CELF2: variants seen among roughly 807,000 people sequenced by gnomAD.
The protein encoded by CELF2 is CUG triplet repeat RNA-binding protein 2.
In CELF2, 8 loss-of-function variants were observed where a neutral mutation model predicts 62.6. The ratio of observed to expected loss-of-function variants is 0.13; its 90% CI spans 0.07 to 0.23. The LOEUF (loss-of-function observed/expected upper bound fraction) is 0.23. Among genes scored for constraint, CELF2 ranks in the 10% least tolerant of loss-of-function variants. The pLI is 1.00. For synonymous variants in CELF2, 258 were observed against 250.0 expected (o/e 1.03, Z -0.30); for missense variants, 333 against 671.0 (o/e 0.50, Z 5.56).
At chr10:10,570,441 C>T in the CELF2 span, among the ~76,000 whole-genome samples, 1 of 151,926 alleles carries the variant, frequency 6.6e-6, no homozygotes, top group South Asian at 2.1e-4. Flanking sequence ...ACAAATTCAC[C>T]CCAGGTGAAA....
chr10:11,195,331 C>CAGTG (rs1422865988), intron 2 of CELF2, among the ~76,000 whole-genome samples: 1 of 152,184 alleles, frequency 6.6e-6, no homozygotes, highest in Non-Finnish European at 1.5e-5. Context: ...GTTTAGTGTG[C>CAGTG]AGTGGGTTGT....
the CELF2 span, among the ~76,000 whole-genome samples, chr10:10,511,625 T>C: frequency 6.6e-6 from 1 of 152,104 alleles, no homozygotes. Context: ...GTGTAGTGGA[T>C]ATCAGTATAG....
Position 10,936,945 on chromosome 10 carries a change from C to T in CELF2, c.89+16946C>T, listed in dbSNP as rs956562258. 1.3e-5 allele frequency among the ~76,000 whole-genome samples: 2 copies of T among 152,044 alleles called. No individual in the cohort carries two copies. Among genetic ancestry groups the T allele is most frequent in the African/African-American group, 4.8e-5 (2 of 41,404 alleles). On this transcript the variant is annotated intron_variant, in intron 2 of 13. Coordinates refer to the CELF2 transcript ENST00000636488. This position sits in a 1 kb window ranked among gnomAD's most constrained non-coding sequence, Gnocchi z 4.0. ...CTCAGACCATCCTTTGAGGAGCAAA[C>T]GACTACAGAGCCACCAGTCCCATCT...
chr10:11,214,410 G>C lies in CELF2; in HGVS notation c.272-3015G>C, dbSNP rs997393957. Among the ~76,000 whole-genome samples, 1 of 152,228 alleles carries C rather than the reference G, an allele frequency of 6.6e-6. No homozygotes were observed. The highest frequency in any genetic ancestry group is 2.4e-5 in the African/African-American group (1 of 41,458). ...GAAGCCTCTGGGGTTAGTATTCCCA[G>C]TCTCCTTGTCTGCCCAGGACCCCAC... On this transcript the variant is annotated intron_variant, in intron 2 of 12. Transcript: ENST00000633077. The surrounding 1 kb of genome is among the most constrained non-coding windows in gnomAD (Gnocchi z 4.2).
chr10:10,903,468 A>G (rs2134156619), intron 1 of CELF2, among the ~76,000 whole-genome samples: 1 of 152,334 alleles, frequency 6.6e-6, no homozygotes, highest in Middle Eastern at 3.4e-3. Flanking sequence ...GAAAATACAA[A>G]TGTATGAAAC....
chr10:10,984,012 T>A (rs1050591439), intron 2 of CELF2, among the ~76,000 whole-genome samples: 4 of 152,240 alleles, frequency 2.6e-5, no homozygotes, highest in Admixed American at 1.3e-4. Context: ...ATCTGCCGAT[T>A]TTTTTAAAGA....
intron 1 of CELF2, among the ~76,000 whole-genome samples, chr10:10,801,329 G>A (rs1317814511): frequency 6.6e-6 from 1 of 152,226 alleles, no homozygotes; most frequent in Non-Finnish European, 1.5e-5. Context: ...AAGGGATAGA[G>A]TTTATAAATT....
rs773983082 is a variant in CELF2 at position 11,296,108 on chromosome 10, G to A, written c.976+7556G>A. On this transcript the variant is annotated intron_variant, in intron 9 of 12. Coordinates refer to ENST00000633077, the MANE Select transcript of CELF2 (RefSeq NM_001326342.2). This position sits in a 1 kb window ranked among gnomAD's most constrained non-coding sequence, Gnocchi z 5.0. ...ACCTGTGCCCTGAGCTCTCCTTGGC[G>A]GGTGCCTTCATCCCCGGGATGGACA... Among the ~76,000 whole-genome samples the A allele has an allele frequency of 1.3e-4, 20 of 152,198 alleles. No homozygotes were observed. Among genetic ancestry groups the A allele is most frequent in the Non-Finnish European group, 2.5e-4 (17 of 68,034 alleles).
the CELF2 span, among the ~76,000 whole-genome samples, chr10:10,471,543 C>T: frequency 1.3e-5 from 2 of 151,476 alleles, no homozygotes; most frequent in African/African-American, 2.4e-5. Flanking sequence ...TTAAACTTAA[C>T]CCAATGTACT....
chr10:10,854,769 T>C (rs1122865), intron 1 of CELF2, among the ~76,000 whole-genome samples: 3,021 of 152,148 alleles, frequency 0.02, 206 homozygotes, highest in Admixed American at 0.13. Flanking sequence ...CACTTCTATG[T>C]ATAAATATTA....
chr10:10,471,470 A>AT, the CELF2 span, among the ~76,000 whole-genome samples: 1 of 151,696 alleles, frequency 6.6e-6, no homozygotes, highest in South Asian at 2.1e-4. Flanking sequence ...TGTGTTGACC[A>AT]TTTTTTTATT....
chr10:10,910,756 G>A (rs577795116), intron 1 of CELF2, among the ~76,000 whole-genome samples: 22 of 150,862 alleles, frequency 1.5e-4, no homozygotes, highest in Admixed American at 5.3e-4. Flanking sequence ...TAAATGTCTC[G>A]CATGTGCATT....
the CELF2 span, among the ~76,000 whole-genome samples, chr10:10,737,233 A>G: frequency 6.6e-6 from 1 of 152,220 alleles, no homozygotes; most frequent in Non-Finnish European, 1.5e-5. Flanking sequence ...TACTGTCCCT[A>G]TAATTCTCTT....
At chr10:10,724,321 C>T in the CELF2 span, among the ~76,000 whole-genome samples, 1 of 152,120 alleles carries the variant, frequency 6.6e-6, no homozygotes, top group Non-Finnish European at 1.5e-5. Flanking sequence ...CTGTTAGAAT[C>T]TTTTTGCTTT....
At chr10:10,722,065 G>T in the CELF2 span, among the ~76,000 whole-genome samples, 1 of 152,210 alleles carries the variant, frequency 6.6e-6, no homozygotes, top group Non-Finnish European at 1.5e-5. Flanking sequence ...CACTTTGGGA[G>T]GCTAAGGCAG....
At chr10:10,619,552 G>T in the CELF2 span, among the ~76,000 whole-genome samples, 1 of 152,162 alleles carries the variant, frequency 6.6e-6, no homozygotes, top group Non-Finnish European at 1.5e-5. Flanking sequence ...TCTTTGGGTA[G>T]AGCGCTCCTC....
intron 1 of CELF2, among the ~76,000 whole-genome samples, chr10:11,025,419 C>T (rs182264687): frequency 7.0e-4 from 106 of 152,122 alleles, no homozygotes; most frequent in Admixed American, 2.1e-3. Context: ...CTCGTGGTAG[C>T]GAGTTCTCAC....
chr10:10,662,356 A>G, the CELF2 span, among the ~76,000 whole-genome samples: 1 of 152,216 alleles, frequency 6.6e-6, no homozygotes, highest in African/African-American at 2.4e-5. Context: ...AGATAAGACT[A>G]AAATGTGCAT....
chr10:10,875,953 T>C (rs2061061036), intron 1 of CELF2, among the ~76,000 whole-genome samples: 1 of 152,182 alleles, frequency 6.6e-6, no homozygotes, highest in Admixed American at 6.5e-5. Flanking sequence ...CCATTCAAAC[T>C]TGAACACAGC....
Sources: gnomAD v4.1 joint callset for allele counts (sites outside exome capture counted in the v4.1 genomes callset) on GRCh38, gnomAD v4.1.1 for gene constraint, Gnocchi (gnomAD v3.1) non-coding constraint, MANE v1.5 for transcripts, NCBI Gene and HGNC (gene_info 2026-07-23, HGNC 2026-07-21) for gene names.